Variants in SLC4A7 observed in about 807,000 individuals in gnomAD.
SLC4A7 encodes sodium bicarbonate cotransporter 3.
SLC4A7 carries 51 observed loss-of-function variants against 137.6 expected under a neutral mutation model. That is an observed-to-expected ratio of 0.37 (90% CI 0.30 to 0.47). The LOEUF is 0.47. SLC4A7 is among the 20% of genes least tolerant of loss of function. The pLI is 1.00. For missense variants in SLC4A7, 1,247 were observed against 1,525.4 expected (o/e 0.82, Z 3.04); for synonymous variants, 542 against 518.6 (o/e 1.05, Z -0.61).
At chr3:27,401,103 T>C (rs2052700797) in intron 15 of SLC4A7, 2 of 334,320 alleles carry the variant, frequency 6.0e-6, no homozygotes, top group South Asian at 1.0e-4. Flanking sequence ...AAGCTAGTTA[T>C]GTCCTTGGTG....
chr3:27,417,377 G>A (rs573134591), intron 11 of SLC4A7, among the ~76,000 whole-genome samples: 14 of 152,328 alleles, frequency 9.2e-5, no homozygotes, highest in Non-Finnish European at 1.9e-4. Flanking sequence ...AATGTAATGG[G>A]AAGTGGATTT....
chr3:27,422,602 CT>C (rs1407612100), intron 8 of SLC4A7, among the ~76,000 whole-genome samples: 2 of 152,074 alleles, frequency 1.3e-5, no homozygotes, highest in African/African-American at 4.8e-5. Context: ...ATCTATAGCC[CT>C]TATTGGCACA....
intron 12 of SLC4A7, among the ~76,000 whole-genome samples, chr3:27,411,306 C>A (rs1232018249): frequency 6.6e-6 from 1 of 152,002 alleles, no homozygotes; most frequent in Non-Finnish European, 1.5e-5. Flanking sequence ...CCATAATTCT[C>A]TAACTCAATA....
chr3:27,391,831 T>C (rs201792696), intron 20 of SLC4A7, 23 bp from the exon 21 acceptor site: 3 of 1,421,518 alleles, frequency 2.1e-6, no homozygotes, highest in Non-Finnish European at 2.9e-6. Flanking sequence ...TGAACACAAT[T>C]AGAACTCATG....
At chr3:27,454,530 T>G (rs2150573352) in intron 1 of SLC4A7, among the ~76,000 whole-genome samples, 1 of 152,296 alleles carries the variant, frequency 6.6e-6, no homozygotes, top group South Asian at 2.1e-4. Context: ...CCTTACAGCA[T>G]TCACTTCCTC....
At chr3:27,439,171 T>A (rs2056995649) in intron 3 of SLC4A7, among the ~76,000 whole-genome samples, 1 of 152,152 alleles carries the variant, frequency 6.6e-6, no homozygotes, top group Non-Finnish European at 1.5e-5. Context: ...GTAGATTCAA[T>A]GGAATTGTTT....
intron 1 of SLC4A7, among the ~76,000 whole-genome samples, chr3:27,454,519 G>A (rs778789022): frequency 5.3e-5 from 8 of 152,172 alleles, no homozygotes; most frequent in South Asian, 4.2e-4. Flanking sequence ...TAATCAAGCC[G>A]CCTTACAGCA....
At chr3:27,421,290 G>A (rs181473528) in intron 9 of SLC4A7, among the ~76,000 whole-genome samples, 302 of 152,020 alleles carry the variant, frequency 2.0e-3, no homozygotes, top group African/African-American at 7.0e-3. Context: ...ACTTAAGTAG[G>A]AGTTCGAGAC....
chr3:27,421,142 A>G (rs915766277), intron 9 of SLC4A7, among the ~76,000 whole-genome samples: 1 of 151,564 alleles, frequency 6.6e-6, no homozygotes. Context: ...AAATGATTTT[A>G]TGCCCTATTC....
At chr3:27,442,542 G>C (rs1479407516) in intron 3 of SLC4A7, among the ~76,000 whole-genome samples, 4 of 150,576 alleles carry the variant, frequency 2.7e-5, no homozygotes, top group Admixed American at 2.0e-4. Context: ...AGGGATTCTT[G>C]TGCCTCAGCT....
chr3:27,445,270 T>A (rs2057500611), intron 3 of SLC4A7, among the ~76,000 whole-genome samples: 1 of 152,078 alleles, frequency 6.6e-6, no homozygotes, highest in Non-Finnish European at 1.5e-5. Context: ...GAACTCTGAG[T>A]ACTCTCCACT....
chr3:27,380,256 G>C (rs895496890), intron 24 of SLC4A7, among the ~76,000 whole-genome samples: 1 of 149,194 alleles, frequency 6.7e-6, no homozygotes, highest in African/African-American at 2.5e-5. Context: ...GTAGTGAGTC[G>C]AGATTGCACC....
At chr3:27,429,432 T>G (rs1460014620) in intron 7 of SLC4A7, among the ~76,000 whole-genome samples, 1 of 151,748 alleles carries the variant, frequency 6.6e-6, no homozygotes, top group African/African-American at 2.4e-5. Context: ...AATGGACAAC[T>G]AAAATCTATT....
intron 3 of SLC4A7, among the ~76,000 whole-genome samples, chr3:27,442,461 A>G (rs895319936): frequency 8.9e-5 from 13 of 145,256 alleles, no homozygotes; most frequent in Non-Finnish European, 1.3e-4. Flanking sequence ...TTTTTTTGAG[A>G]CAGCGTCTCA....
intron 1 of SLC4A7, among the ~76,000 whole-genome samples, chr3:27,482,146 T>C (rs1356042622): frequency 6.6e-6 from 1 of 152,006 alleles, no homozygotes; most frequent in Non-Finnish European, 1.5e-5. Flanking sequence ...AATAAATAAA[T>C]AAATATTAGG....
chr3:27,424,422 G>C (rs2055333090), intron 7 of SLC4A7: 1 of 257,800 alleles, frequency 3.9e-6, no homozygotes, highest in Admixed American at 5.3e-5. Flanking sequence ...ACGTGAGTTG[G>C]TGTGAACCAC....
chr3:27,395,790 C>G (rs575198307), intron 18 of SLC4A7, among the ~76,000 whole-genome samples: 11 of 152,334 alleles, frequency 7.2e-5, no homozygotes, highest in African/African-American at 2.4e-4. Context: ...ACTGGAATGT[C>G]ATTTCCACAT....
rs538614948 is a variant in SLC4A7 at position 27,379,446 on chromosome 3, T to C, written c.3591-90A>G. 7.9e-5 allele frequency: 52 copies of C among 659,280 alleles called. No homozygotes were observed. In the East Asian group the frequency reaches 1.2e-3, roughly 15 times the overall value. The allele number at this position is 659,280 out of a possible 1,614,324, so 40.8% of individuals were successfully genotyped here. On this transcript the variant is annotated intron_variant, in intron 24 of 25. Transcript: ENST00000454389. ...TTATTATCTGCTTTCATCAACTAAA[T>C]TGAGAAAACCTTTGCCAGATATCAG...
At chr3:27,391,442 A>G (rs192715326) in intron 21 of SLC4A7, among the ~76,000 whole-genome samples, 3 of 152,292 alleles carry the variant, frequency 2.0e-5, no homozygotes, top group Non-Finnish European at 2.9e-5. Context: ...CTTTTTTTCA[A>G]TACAATCCTT....
Sources: gnomAD v4.1 joint callset for allele counts (sites outside exome capture counted in the v4.1 genomes callset) on GRCh38, gnomAD v4.1.1 for gene constraint, MANE v1.5 for transcripts, NCBI Gene and HGNC (gene_info 2026-07-23, HGNC 2026-07-21) for gene names.